The following CDKAL1 variants were observed in gnomAD, a reference collection of about 807,000 sequenced individuals.
CDKAL1 encodes threonylcarbamoyladenosine tRNA methylthiotransferase.
In CDKAL1, 32 loss-of-function variants were observed where a neutral mutation model predicts 68.2. The observed-to-expected ratio is 0.47, with a 90% confidence interval of 0.35 to 0.63. The LOEUF (loss-of-function observed/expected upper bound fraction) is 0.63, where lower values mean the gene tolerates loss of function less well. Ranked by LOEUF, CDKAL1 falls within the 30% of genes least tolerant of loss-of-function variation. The probability of loss-of-function intolerance (pLI) is 0.00; values close to 1 mark genes in which losing one functional copy is unlikely to be tolerated. For synonymous variants in CDKAL1, 234 were observed against 244.3 expected (o/e 0.96, Z 0.39); for missense variants, 606 against 696.7 (o/e 0.87, Z 1.47).
chr6:20,668,353 G>A (rs1769650271), intron 5 of CDKAL1, among the ~76,000 whole-genome samples: 1 of 134,554 alleles, frequency 7.4e-6, no homozygotes, highest in Non-Finnish European at 1.5e-5. Context: ...TGGAGTCTCT[G>A]TCTGTTGCCC....
At chr6:21,058,792 C>T (rs896824126) in intron 11 of CDKAL1, among the ~76,000 whole-genome samples, 11 of 152,326 alleles carry the variant, frequency 7.2e-5, no homozygotes, top group Non-Finnish European at 1.5e-4. Context: ...TCATCTTGGA[C>T]CTCTTTTCCA....
intron 13 of CDKAL1, among the ~76,000 whole-genome samples, chr6:21,177,960 T>C (rs1457100569): frequency 6.6e-6 from 1 of 152,182 alleles, no homozygotes; most frequent in African/African-American, 2.4e-5. Flanking sequence ...TTTAAGCTTT[T>C]CCCATTTTAT....
intron 8 of CDKAL1, among the ~76,000 whole-genome samples, chr6:20,841,745 T>C (rs780727057): frequency 9.2e-5 from 14 of 152,282 alleles, no homozygotes; most frequent in Non-Finnish European, 1.5e-4. Context: ...AAAAAAAACC[T>C]TTTTTACAAA....
At chr6:20,963,009 A>G (rs1451120116) in intron 10 of CDKAL1, among the ~76,000 whole-genome samples, 1 of 152,226 alleles carries the variant, frequency 6.6e-6, no homozygotes, top group Non-Finnish European at 1.5e-5. Flanking sequence ...CTTTCTGAAT[A>G]TTAAAGAGAG....
At chr6:21,209,034 A>C (rs1349019611) in intron 15 of CDKAL1, among the ~76,000 whole-genome samples, 4 of 152,220 alleles carry the variant, frequency 2.6e-5, no homozygotes, top group Non-Finnish European at 5.9e-5. Context: ...GAGCATCGTG[A>C]GGGAAATTGC....
chr6:20,815,769 T>C (rs1339366378), intron 8 of CDKAL1, among the ~76,000 whole-genome samples: 2 of 152,198 alleles, frequency 1.3e-5, no homozygotes, highest in South Asian at 4.2e-4. Flanking sequence ...GTTAACAGTT[T>C]GGTAACTTCT....
chr6:21,071,665 G>A (rs945087388), intron 12 of CDKAL1, among the ~76,000 whole-genome samples: 4 of 149,422 alleles, frequency 2.7e-5, no homozygotes, highest in African/African-American at 9.8e-5. Context: ...TTTTTTGAAT[G>A]GTGGCCATTG....
At chr6:20,898,250 T>G (rs1472302956) in intron 9 of CDKAL1, among the ~76,000 whole-genome samples, 1 of 151,750 alleles carries the variant, frequency 6.6e-6, no homozygotes, top group African/African-American at 2.4e-5. Flanking sequence ...TCTGCTTGTC[T>G]TTATCCCTCT....
intron 9 of CDKAL1, among the ~76,000 whole-genome samples, chr6:20,886,930 A>G (rs1737415983): frequency 6.6e-6 from 1 of 152,234 alleles, no homozygotes; most frequent in African/African-American, 2.4e-5. Flanking sequence ...ATTCACATTT[A>G]TTTGGTAAAG....
At chr6:21,174,132 A>C (rs185286837) in intron 13 of CDKAL1, among the ~76,000 whole-genome samples, 22 of 152,326 alleles carry the variant, frequency 1.4e-4, no homozygotes, top group Admixed American at 3.9e-4. Flanking sequence ...AATTAAATAA[A>C]CACAATAGAA....
chr6:21,203,103 G>A (rs529925163), intron 15 of CDKAL1, among the ~76,000 whole-genome samples: 18 of 151,944 alleles, frequency 1.2e-4, no homozygotes, highest in African/African-American at 4.1e-4. Context: ...AGGCTGGAGT[G>A]CAATGGTGTG....
intron 4 of CDKAL1, among the ~76,000 whole-genome samples, chr6:20,554,250 ATATAAT>A (rs1252696331): frequency 6.6e-6 from 1 of 152,250 alleles, no homozygotes; most frequent in East Asian, 1.9e-4. Flanking sequence ...TGGATATGTG[ATATAAT>A]TAGATTAGTA....
At chr6:20,787,887 G>C (rs1276113606) in intron 8 of CDKAL1, among the ~76,000 whole-genome samples, 1 of 152,158 alleles carries the variant, frequency 6.6e-6, no homozygotes, top group Non-Finnish European at 1.5e-5. Context: ...TTTATAAGAG[G>C]TTGGAAGTAA....
At chr6:20,712,542 T>C (rs570622252) in intron 5 of CDKAL1, among the ~76,000 whole-genome samples, 1 of 150,418 alleles carries the variant, frequency 6.6e-6, no homozygotes, top group Admixed American at 6.6e-5. Flanking sequence ...GAAAAGAAAA[T>C]TTAAAAAAAG....
intron 6 of CDKAL1, among the ~76,000 whole-genome samples, chr6:20,745,104 A>G (rs1773608639): frequency 6.6e-6 from 1 of 152,242 alleles, no homozygotes; most frequent in Non-Finnish European, 1.5e-5. Context: ...ATGTGGTTTA[A>G]CACAGGTGTC....
chr6:21,019,808 T>G (rs1768540349), intron 11 of CDKAL1, among the ~76,000 whole-genome samples: 1 of 152,194 alleles, frequency 6.6e-6, no homozygotes, highest in African/African-American at 2.4e-5. Context: ...CACAAGCCAC[T>G]AGGAGATGCT....
chr6:21,231,193 GTC>G lies in CDKAL1; in HGVS notation c.*157_*158del. ...CACTCTTCTTAATGAGGCTCCCCCT[GTC>G]TCACATTGAGTTGGGCCCATTGGTT... is the stretch of plus-strand genomic sequence containing the variant. On this transcript the variant is annotated 3_prime_UTR_variant, in exon 16 of 16. Transcript: ENST00000274695. The G allele has an allele frequency of 1.9e-6, 1 of 518,318 alleles. No individual in the cohort carries two copies. Among genetic ancestry groups the G allele is most frequent in the Non-Finnish European group, 3.3e-6 (1 of 301,938 alleles). 32.1% of individuals were successfully genotyped at this position (518,318 alleles called of 1,614,324 possible). A position where few individuals can be genotyped will look rare whatever the true frequency, so the allele number is the denominator to read the frequency against.
At chr6:21,034,287 C>G (rs780458524) in intron 11 of CDKAL1, among the ~76,000 whole-genome samples, 2 of 152,166 alleles carry the variant, frequency 1.3e-5, no homozygotes, top group South Asian at 4.1e-4. Flanking sequence ...TCTGCTGTTG[C>G]CAGATGGTCT....
At chr6:20,991,176 A>C (rs988789286) in intron 10 of CDKAL1, among the ~76,000 whole-genome samples, 10 of 152,246 alleles carry the variant, frequency 6.6e-5, no homozygotes, top group Non-Finnish European at 1.0e-4. Context: ...TGAGTGAAAT[A>C]AGCCAGATAC....
Sources: gnomAD v4.1 joint callset for allele counts (sites outside exome capture counted in the v4.1 genomes callset) on GRCh38, gnomAD v4.1.1 for gene constraint, MANE v1.5 for transcripts, NCBI Gene and HGNC (gene_info 2026-07-23, HGNC 2026-07-21) for gene names.